Variants in KCNH5 observed in about 807,000 individuals in gnomAD.
KCNH5 encodes potassium voltage-gated channel subfamily H member 5.
Under a neutral mutation model 96.1 loss-of-function variants are expected in KCNH5, and 46 were observed. That is an observed-to-expected ratio of 0.48 (90% CI 0.38 to 0.61). The LOEUF (loss-of-function observed/expected upper bound fraction) is 0.61, where lower values mean the gene tolerates loss of function less well. KCNH5 is among the 20% of genes least tolerant of loss of function. KCNH5 has a pLI of 0.00. For synonymous variants in KCNH5, 439 were observed against 449.8 expected (o/e 0.98, Z 0.30); for missense variants, 907 against 1,225.8 (o/e 0.74, Z 3.88).
At chr14:62,923,037 T>C (rs538219706) in intron 7 of KCNH5, among the ~76,000 whole-genome samples, 38 of 152,022 alleles carry the variant, frequency 2.5e-4, no homozygotes, top group African/African-American at 9.1e-4. Flanking sequence ...ATAAATCTTA[T>C]ATACAGAAAA....
rs537167711 is a variant in KCNH5 at position 62,795,857 on chromosome 14, C to T, written c.1822+6472G>A. 2.0e-5 allele frequency among the ~76,000 whole-genome samples: 3 copies of T among 152,068 alleles called. No individual in the cohort carries two copies. In the South Asian group the frequency reaches 6.2e-4, roughly 32 times the overall value. On this transcript the variant is annotated intron_variant, in intron 9 of 10. Coordinates refer to ENST00000322893, the MANE Select transcript of KCNH5 (RefSeq NM_139318.5). ...ACAGAACAGAGGCATCTAATCCAGA[C>T]TAGGGCAATAAGGGAAAAATAAAAT...
intron 8 of KCNH5, among the ~76,000 whole-genome samples, chr14:62,822,949 C>T (rs908056040): frequency 6.6e-6 from 1 of 152,106 alleles, no homozygotes; most frequent in Non-Finnish European, 1.5e-5. Flanking sequence ...CTTTCTATAA[C>T]AGCATTCCTT....
intron 10 of KCNH5, among the ~76,000 whole-genome samples, chr14:62,723,137 AT>A (rs11358916): frequency 0.039 from 5,758 of 148,104 alleles, 156 homozygotes; most frequent in South Asian, 0.083. Context: ...ATCTTTAAAG[AT>A]TTTTTTTTTT....
chr14:62,842,366 T>C (rs986478685), intron 8 of KCNH5, among the ~76,000 whole-genome samples: 3 of 150,164 alleles, frequency 2.0e-5, no homozygotes, highest in Non-Finnish European at 2.9e-5. Flanking sequence ...CTTTCTCACA[T>C]AAAATGTGTA....
At chr14:62,906,202 G>A (rs1014889595) in intron 7 of KCNH5, among the ~76,000 whole-genome samples, 1 of 152,160 alleles carries the variant, frequency 6.6e-6, no homozygotes, top group African/African-American at 2.4e-5. Flanking sequence ...GCCAAAACAT[G>A]TGCATTTCCT....
intron 10 of KCNH5, among the ~76,000 whole-genome samples, chr14:62,773,234 G>A (rs996508339): frequency 1.3e-5 from 2 of 152,128 alleles, no homozygotes; most frequent in African/African-American, 4.8e-5. Context: ...TCTTAGGTCT[G>A]AATTTTTCTC....
intron 10 of KCNH5, among the ~76,000 whole-genome samples, chr14:62,778,060 A>G (rs1233195045): frequency 1.3e-5 from 2 of 152,208 alleles, no homozygotes; most frequent in Non-Finnish European, 2.9e-5. Context: ...TATTATAAAC[A>G]TCAAGTCCTG....
intron 3 of KCNH5, among the ~76,000 whole-genome samples, chr14:63,002,210 T>C (rs1891023777): frequency 6.6e-6 from 1 of 152,156 alleles, no homozygotes; most frequent in Non-Finnish European, 1.5e-5. Flanking sequence ...TATCACCTCG[T>C]TCTTCGAAGG....
At chr14:63,012,581 A>G (rs949291553) in intron 2 of KCNH5, among the ~76,000 whole-genome samples, 7 of 152,140 alleles carry the variant, frequency 4.6e-5, no homozygotes, top group African/African-American at 1.7e-4. Flanking sequence ...AAAACGTCTC[A>G]CACAGGGCCA....
At chr14:62,896,962 T>C (rs1293032443) in intron 7 of KCNH5, among the ~76,000 whole-genome samples, 3 of 152,164 alleles carry the variant, frequency 2.0e-5, no homozygotes, top group African/African-American at 7.2e-5. Flanking sequence ...ATGAGGAATA[T>C]ACATAACAAG....
intron 6 of KCNH5, among the ~76,000 whole-genome samples, chr14:62,967,124 T>C (rs1890319791): frequency 6.6e-6 from 1 of 152,186 alleles, no homozygotes; most frequent in Admixed American, 6.5e-5. Context: ...GATATGCTCA[T>C]ATCTGATGGA....
intron 4 of KCNH5, among the ~76,000 whole-genome samples, chr14:62,998,052 C>T (rs1336462548): frequency 6.6e-6 from 1 of 151,980 alleles, no homozygotes; most frequent in Non-Finnish European, 1.5e-5. Flanking sequence ...AAGACTTGAA[C>T]TGGTATTATT....
At chr14:62,864,235 C>A (rs139272888) in intron 7 of KCNH5, among the ~76,000 whole-genome samples, 1 of 151,912 alleles carries the variant, frequency 6.6e-6, no homozygotes, top group African/African-American at 2.4e-5. Context: ...TTACAATAAC[C>A]CTGAATAATT....
intron 8 of KCNH5, among the ~76,000 whole-genome samples, chr14:62,826,403 C>A (rs909022213): frequency 2.1e-5 from 2 of 93,760 alleles, no homozygotes; most frequent in Non-Finnish European, 4.1e-5. Flanking sequence ...TGTGTGCGTG[C>A]GTGCATGTGT....
At chr14:62,977,344 A>T (rs570558446) in intron 6 of KCNH5, among the ~76,000 whole-genome samples, 113 of 152,162 alleles carry the variant, frequency 7.4e-4, no homozygotes, top group African/African-American at 2.6e-3. Context: ...TGGGTGACAG[A>T]GCAAGACTCT....
intron 7 of KCNH5, among the ~76,000 whole-genome samples, chr14:62,882,031 A>G (rs185549422): frequency 1.9e-3 from 264 of 141,968 alleles, no homozygotes; most frequent in Non-Finnish European, 3.0e-3. Context: ...TGGGAGGCTG[A>G]GGTGGAAGGA....
At chr14:62,922,984 C>T (rs1889407455) in intron 7 of KCNH5, among the ~76,000 whole-genome samples, 1 of 151,790 alleles carries the variant, frequency 6.6e-6, no homozygotes, top group Non-Finnish European at 1.5e-5. Context: ...AGAAAGGAAA[C>T]AGTAAAAGTG....
At chr14:62,780,664 T>C (rs1886191758) in intron 9 of KCNH5, among the ~76,000 whole-genome samples, 2 of 152,338 alleles carry the variant, frequency 1.3e-5, no homozygotes, top group South Asian at 4.1e-4. Flanking sequence ...TTCAGAGCAC[T>C]ACCCACTGGT....
At chr14:62,875,807 G>C (rs941358070) in intron 7 of KCNH5, among the ~76,000 whole-genome samples, 3 of 152,162 alleles carry the variant, frequency 2.0e-5, no homozygotes, top group Non-Finnish European at 4.4e-5. Flanking sequence ...ACGAGGTCAG[G>C]AGATTAAGAC....
Sources: gnomAD v4.1 joint callset for allele counts (sites outside exome capture counted in the v4.1 genomes callset) on GRCh38, gnomAD v4.1.1 for gene constraint, MANE v1.5 for transcripts, NCBI Gene and HGNC (gene_info 2026-07-23, HGNC 2026-07-21) for gene names.